TUBGCP4: variants seen among roughly 807,000 people sequenced by gnomAD.
The protein encoded by TUBGCP4 is gamma-tubulin complex component 4.
In TUBGCP4, 54 loss-of-function variants were observed where a neutral mutation model predicts 91.6. The ratio of observed to expected loss-of-function variants is 0.59; its 90% CI spans 0.47 to 0.74. TUBGCP4 has a LOEUF of 0.74. Among genes scored for constraint, TUBGCP4 ranks in the 30% least tolerant of loss-of-function variants. TUBGCP4 has a pLI of 0.00. For missense variants in TUBGCP4, 593 were observed against 800.9 expected (o/e 0.74, Z 3.13); for synonymous variants, 297 against 302.8 (o/e 0.98, Z 0.20).
chr15:43,372,114 C>T (rs2044133044), intron 1 of TUBGCP4, among the ~76,000 whole-genome samples: 1 of 152,188 alleles, frequency 6.6e-6, no homozygotes, highest in African/African-American at 2.4e-5. Flanking sequence ...ATTTGAACTA[C>T]TTTTACCTGC....
At position 43,408,307 on chromosome 15, in the gene TUBGCP4, A is replaced by G. The variant is rs2044987651; in HGVS notation, c.*3093A>G. On this transcript the variant is annotated 3_prime_UTR_variant, in exon 18 of 18. Transcript: ENST00000564079. The stretch of plus-strand genomic sequence containing the variant: ...AGCCTGGGCAATGTGGTGAGACCCC[A>G]TCTCTACAAAAGACAACAAAAAAAT... The G allele has an allele frequency of 2.1e-6, 1 of 477,966 alleles. No individual in the cohort carries two copies. 29.6% of individuals were successfully genotyped at this position (477,966 alleles called of 1,614,324 possible).
chr15:43,390,014 C>T (rs1215604355), intron 9 of TUBGCP4, among the ~76,000 whole-genome samples: 4 of 152,078 alleles, frequency 2.6e-5, no homozygotes, highest in East Asian at 3.8e-4. Flanking sequence ...CACCTCCCAC[C>T]GGGTTCCTCC....
chr15:43,403,312 C>T (rs1462209935), intron 15 of TUBGCP4: 10 of 176,152 alleles, frequency 5.7e-5, no homozygotes, highest in Middle Eastern at 2.3e-3. Context: ...GGGAGTGCTT[C>T]ACTGAGAGAG....
intron 6 of TUBGCP4, among the ~76,000 whole-genome samples, chr15:43,381,743 CA>C (rs1031077828): frequency 1.1e-4 from 17 of 151,218 alleles, no homozygotes; most frequent in Admixed American, 8.6e-4. Context: ...AAACAAAAAA[CA>C]AAAAAAACCA....
Position 43,409,062 on chromosome 15 carries a change from T to C in TUBGCP4, c.*3848T>C, listed in dbSNP as rs1466930077. 6.2e-7 allele frequency: 1 copy of C among 1,613,996 alleles called. No individual in the cohort carries two copies. Among genetic ancestry groups the C allele is most frequent in the African/African-American group, 1.3e-5 (1 of 74,878 alleles). ...GTACTTCCGGGTTCGACAATGCTGA[T>C]CCGCAATTAGAAGACACTGGTAAGC... On this transcript the variant is annotated 3_prime_UTR_variant, in exon 18 of 18. Coordinates refer to ENST00000564079, the MANE Select transcript of TUBGCP4 (RefSeq NM_014444.5).
chr15:43,400,830 A>G (rs897411449), intron 14 of TUBGCP4, among the ~76,000 whole-genome samples: 1 of 151,986 alleles, frequency 6.6e-6, no homozygotes, highest in African/African-American at 2.4e-5. Flanking sequence ...AGGCAGGAGA[A>G]TCGCTTGAAC....
In TUBGCP4 at chr15:43,409,727, G is replaced by A. The variant is rs143892737; in HGVS notation, c.*4513G>A. 5 of 1,534,570 alleles carry A rather than the reference G, an allele frequency of 3.3e-6. No homozygotes were observed. In the African/African-American group the frequency reaches 7.1e-5, roughly 22 times the overall value. Reference sequence around the variant, plus strand: ...TCTGTATACTGCTTGTTGAAAGGAGGAATTTCCAAAAATTCTATATTAAAA... The same window carrying A: ...TCTGTATACTGCTTGTTGAAAGGAGAAATTTCCAAAAATTCTATATTAAAA... On this transcript the variant is annotated 3_prime_UTR_variant, in exon 18 of 18. Transcript: ENST00000564079.
At chr15:43,380,651 A>G (rs930729266) in intron 6 of TUBGCP4, among the ~76,000 whole-genome samples, 2 of 152,268 alleles carry the variant, frequency 1.3e-5, no homozygotes, top group Non-Finnish European at 2.9e-5. Flanking sequence ...CTACTATATC[A>G]GGAAATTAGA....
rs138274771 is a variant in TUBGCP4, at chr15:43,406,750, G to A, written c.*1536G>A. The A allele has an allele frequency of 2.2e-3, 828 of 384,780 alleles. 7 individuals are homozygous for A. The highest frequency in any genetic ancestry group is 0.017 in the African/African-American group (784 of 47,496). 23.8% of individuals were successfully genotyped at this position (384,780 alleles called of 1,614,324 possible). On this transcript the variant is annotated 3_prime_UTR_variant, in exon 18 of 18. Transcript: ENST00000564079. ...TTGACTAGAACGTGTAACATTTCCA[G>A]GTGTTCTCACTTGTGCTTCCCATGT...
In TUBGCP4 at chr15:43,371,273, G is replaced by A; in HGVS notation, c.-82G>A. The A allele has an allele frequency of 7.0e-7, 1 of 1,420,916 alleles. No individual in the cohort carries two copies. Among genetic ancestry groups the A allele is most frequent in the Non-Finnish European group, 9.8e-7 (1 of 1,022,358 alleles). 88.0% of individuals were successfully genotyped at this position (1,420,916 alleles called of 1,614,324 possible). On this transcript the variant is annotated 5_prime_UTR_variant, in exon 1 of 18. Transcript: ENST00000564079. ...CCAGGGGCCGGTGCGCGTGTGGAAG[G>A]GGAAGCACTCCCCTCGTGGTCGCCT...
Position 43,405,491 on chromosome 15 carries a change from T to G in TUBGCP4, c.*277T>G. The G allele has an allele frequency of 1.9e-6, 1 of 521,684 alleles. No individual in the cohort carries two copies. The allele number at this position is 521,684 out of a possible 1,614,324, so 32.3% of individuals were successfully genotyped here. A position where few individuals can be genotyped will look rare whatever the true frequency, so the allele number is the denominator to read the frequency against. On this transcript the variant is annotated 3_prime_UTR_variant, in exon 18 of 18. Coordinates refer to ENST00000564079, the MANE Select transcript of TUBGCP4 (RefSeq NM_014444.5). ...ATATGTTCATTTATTCAATAGTCAT[T>G]TATTGAGCACCTACTACGTACCTTG... is the stretch of plus-strand genomic sequence containing the variant.
chr15:43,384,308 A>T (rs1470837684), intron 7 of TUBGCP4, among the ~76,000 whole-genome samples: 1 of 152,356 alleles, frequency 6.6e-6, no homozygotes, highest in East Asian at 1.9e-4. Context: ...GGGAAGAGAT[A>T]TAGAAAAGTA....
At chr15:43,385,578 T>C (rs1035836704) in intron 7 of TUBGCP4, 2 of 548,720 alleles carry the variant, frequency 3.6e-6, no homozygotes, top group African/African-American at 5.0e-5. Flanking sequence ...CAAATCCCAG[T>C]ATTTAAGCCA....
intron 7 of TUBGCP4, among the ~76,000 whole-genome samples, 185 bp downstream of exon 7, chr15:43,383,689 T>C (rs574574738): frequency 6.6e-6 from 1 of 152,334 alleles, no homozygotes; most frequent in African/African-American, 2.4e-5. Flanking sequence ...GTTTGTGATA[T>C]TCTTTTTGTT....
At position 43,408,296 on chromosome 15, in the gene TUBGCP4, G is replaced by C. The variant is rs2044987277; in HGVS notation, c.*3082G>C. The C allele has an allele frequency of 1.9e-6, 1 of 515,390 alleles. No individual in the cohort carries two copies. Among genetic ancestry groups the C allele is most frequent in the South Asian group, 2.3e-5 (1 of 43,556 alleles). The allele number at this position is 515,390 out of a possible 1,614,324, so 31.9% of individuals were successfully genotyped here. A position where few individuals can be genotyped will look rare whatever the true frequency, so the allele number is the denominator to read the frequency against. On this transcript the variant is annotated 3_prime_UTR_variant, in exon 18 of 18. Coordinates refer to ENST00000564079, the MANE Select transcript of TUBGCP4 (RefSeq NM_014444.5). ...AGTTCGAGACCAGCCTGGGCAATGT[G>C]GTGAGACCCCATCTCTACAAAAGAC...
chr15:43,405,095 G>C, intron 17 of TUBGCP4, 107 bp from the exon 18 acceptor site: 1 of 1,341,376 alleles, frequency 7.5e-7, no homozygotes, highest in Non-Finnish European at 1.1e-6. Flanking sequence ...AAACTCTTCA[G>C]TTTTAAGATG....
intron 9 of TUBGCP4, among the ~76,000 whole-genome samples, chr15:43,389,607 A>G (rs1272085267): frequency 2.0e-5 from 3 of 152,080 alleles, no homozygotes; most frequent in Non-Finnish European, 2.9e-5. Context: ...TATATGATAA[A>G]TTTCTGGTTA....
At chr15:43,378,380 G>T (rs958668454) in intron 5 of TUBGCP4, among the ~76,000 whole-genome samples, 1 of 152,232 alleles carries the variant, frequency 6.6e-6, no homozygotes. Context: ...GAAGTTAGGA[G>T]AATGTCTTTC....
At position 43,386,289 on chromosome 15, in the gene TUBGCP4, T is replaced by C. The variant is rs2142814526; in HGVS notation, c.973T>C (p.Phe325Leu). The C allele has an allele frequency of 6.3e-7, 1 of 1,590,392 alleles. No homozygotes were observed. Among genetic ancestry groups the C allele is most frequent in the East Asian group, 2.3e-5 (1 of 43,720 alleles). The change falls in exon 9 of 18, where the codon TTT becomes CTT. Residue 325 changes from phenylalanine to leucine, a missense_variant. Phe to Leu is a conservative substitution (Grantham distance 22, BLOSUM62 0). Transcript: ENST00000564079. ...GCAGCCACTCTTCAGCTTGGTGGAC[T>C]TTGAACAGGTGGTGGATCGCATTCG... ...KQQPLFSLVD[F>L]EQVVDRIRST...
Sources: gnomAD v4.1 joint callset for allele counts (sites outside exome capture counted in the v4.1 genomes callset) on GRCh38, gnomAD v4.1.1 for gene constraint, MANE v1.5 for transcripts, NCBI Gene and HGNC (gene_info 2026-07-23, HGNC 2026-07-21) for gene names.